IRGM: variants seen among roughly 807,000 people sequenced by gnomAD.
IRGM encodes immunity related GTPase M, also known as immunity-related GTPase family M protein.
For missense variants in IRGM, 288 were observed against 219.9 expected (o/e 1.31, Z -1.96); for synonymous variants, 98 against 80.6 (o/e 1.22, Z -1.16).
intron 1 of IRGM, among the ~76,000 whole-genome samples, chr5:150,863,405 G>A (rs904227918): frequency 1.3e-5 from 2 of 152,144 alleles, no homozygotes; most frequent in African/African-American, 4.8e-5. Context: ...TGTTCTATTC[G>A]AGGCTGATGA....
rs1754110541 is a variant in IRGM at position 150,859,809 on chromosome 5, C to T, written c.158+11155C>T. Among the ~76,000 whole-genome samples, 3 of 151,892 alleles carry T rather than the reference C, an allele frequency of 2.0e-5. No individual in the cohort carries two copies. In the South Asian group the frequency reaches 6.2e-4, roughly 32 times the overall value. The stretch of plus-strand genomic sequence containing the variant: ...CATTTTTTATTGCATCTATTTGATT[C>T]TTCTCTCTTTTCTTCTTTATTAGTC... On this transcript the variant is annotated intron_variant and NMD_transcript_variant, in intron 1 of 3. Transcript: ENST00000520549.
chr5:150,880,276 A>G (rs1050708369), intron 3 of IRGM, among the ~76,000 whole-genome samples: 1 of 152,272 alleles, frequency 6.6e-6, no homozygotes, highest in Non-Finnish European at 1.5e-5. Context: ...ATGTGTAGCA[A>G]GTGTCCTGTT....
At chr5:150,894,949 T>C (rs1754702760) in intron 3 of IRGM, 1 of 152,798 alleles carries the variant, frequency 6.5e-6, no homozygotes, top group African/African-American at 2.4e-5. Context: ...TATCATTCCA[T>C]TTTTTGTACA....
intron 1 of IRGM, among the ~76,000 whole-genome samples, chr5:150,862,402 G>C (rs189116676): frequency 4.3e-4 from 66 of 152,314 alleles, no homozygotes; most frequent in Admixed American, 7.8e-4. Context: ...AATATCAAAG[G>C]AGGGAATAAT....
intron 3 of IRGM, chr5:150,897,194 T>A: frequency 2.4e-6 from 1 of 412,412 alleles, no homozygotes. Context: ...TTAAAAGAGA[T>A]GAAAAAGTGG....
At chr5:150,886,012 T>G (rs1754516681) in intron 3 of IRGM, among the ~76,000 whole-genome samples, 1 of 152,152 alleles carries the variant, frequency 6.6e-6, no homozygotes, top group Admixed American at 6.6e-5. Flanking sequence ...TCTCCAGCTT[T>G]TGCCCATGCA....
intron 1 of IRGM, among the ~76,000 whole-genome samples, chr5:150,875,167 T>C (rs28826618): frequency 0.032 from 4,846 of 152,276 alleles, 246 homozygotes; most frequent in African/African-American, 0.11. Context: ...TTCTTTATGA[T>C]CAGTTGACAG....
intron 2 of IRGM, among the ~76,000 whole-genome samples, chr5:150,879,309 C>T (rs1028687043): frequency 6.6e-6 from 1 of 152,154 alleles, no homozygotes; most frequent in Non-Finnish European, 1.5e-5. Flanking sequence ...GTCTGTATTA[C>T]ATAAATGTGC....
intron 3 of IRGM, among the ~76,000 whole-genome samples, chr5:150,892,078 A>G (rs1754617907): frequency 6.6e-6 from 1 of 152,148 alleles, no homozygotes; most frequent in Non-Finnish European, 1.5e-5. Flanking sequence ...AAGATCCAAC[A>G]TGATTATCAT....
At chr5:150,892,214 T>C (rs1438470534) in intron 3 of IRGM, among the ~76,000 whole-genome samples, 1 of 152,064 alleles carries the variant, frequency 6.6e-6, no homozygotes, top group Non-Finnish European at 1.5e-5. Context: ...ATGGAGTTTT[T>C]TTTTTTCAAT....
At chr5:150,896,116 G>A (rs756673248) in intron 3 of IRGM, 2 of 1,613,348 alleles carry the variant, frequency 1.2e-6, no homozygotes, top group East Asian at 2.2e-5. Flanking sequence ...TCCCCAGTAT[G>A]TATTCTCTGA....
intron 3 of IRGM, chr5:150,896,033 A>C: frequency 1.9e-6 from 3 of 1,613,272 alleles, no homozygotes; most frequent in Non-Finnish European, 2.5e-6. Context: ...CTCCAGTATG[A>C]GCTCTGTGGT....
chr5:150,896,101 G>A, intron 3 of IRGM: 1 of 1,613,452 alleles, frequency 6.2e-7, no homozygotes, highest in East Asian at 2.2e-5. Flanking sequence ...CATTCATAGG[G>A]TTTTTCCCCA....
intron 3 of IRGM, among the ~76,000 whole-genome samples, chr5:150,879,991 A>T (rs1754421271): frequency 2.0e-5 from 3 of 152,182 alleles, no homozygotes; most frequent in Admixed American, 1.3e-4. Context: ...AGGGATCAGC[A>T]GGCTCTAGTC....
chr5:150,869,319 G>C (rs962282169), intron 1 of IRGM, among the ~76,000 whole-genome samples: 2 of 152,000 alleles, frequency 1.3e-5, no homozygotes, highest in Non-Finnish European at 2.9e-5. Flanking sequence ...CTGTGTCCCT[G>C]GTATGAAACC....
chr5:150,847,952 C>T lies in IRGM; in HGVS notation c.-172C>T. The T allele has an allele frequency of 3.4e-6, 2 of 588,578 alleles. No homozygotes were observed. The highest frequency in any genetic ancestry group is 4.1e-5 in the South Asian group (2 of 48,546). The allele number at this position is 588,578 out of a possible 1,614,324, so 36.5% of individuals were successfully genotyped here. A position where few individuals can be genotyped will look rare whatever the true frequency, so the allele number is the denominator to read the frequency against. ...TGTATTAGCTGGGACTACAGGCGCA[C>T]ACCACCACGCGCAGCTAATTTTTTT... On this transcript the variant is annotated 5_prime_UTR_variant, in exon 2 of 2. Coordinates refer to ENST00000522154, the MANE Select transcript of IRGM (RefSeq NM_001145805.2).
intron 1 of IRGM, among the ~76,000 whole-genome samples, chr5:150,854,047 C>T (rs1471024929): frequency 1.3e-5 from 2 of 151,906 alleles, no homozygotes; most frequent in African/African-American, 4.8e-5. Context: ...TATAGTGACA[C>T]ATTTTGATTA....
At position 150,887,487 on chromosome 5, in the gene IRGM, G is replaced by A. The variant is rs76621589; in HGVS notation, c.*140+7841G>A. On this transcript the variant is annotated intron_variant and NMD_transcript_variant, in intron 3 of 3. Coordinates refer to the IRGM transcript ENST00000520549. ...GAATCATTGGCATTCTTCAAAGGGA[G>A]GAAGCAAACAACTTGGAAAATGTAT... 1.8e-4 allele frequency among the ~76,000 whole-genome samples: 28 copies of A among 151,916 alleles called. No individual in the cohort carries two copies. The East Asian group carries it at 5.2e-3, about 28-fold the overall frequency.
At chr5:150,857,297 T>A (rs1244705798) in intron 1 of IRGM, among the ~76,000 whole-genome samples, 2 of 152,196 alleles carry the variant, frequency 1.3e-5, no homozygotes, top group Non-Finnish European at 2.9e-5. Flanking sequence ...TTCCATGTTG[T>A]ATATGTGCCA....
Sources: allele counts gnomAD v4.1 joint callset (sites outside exome capture counted in the v4.1 genomes callset), GRCh38; gene constraint gnomAD v4.1.1; transcripts MANE v1.5; gene names NCBI Gene and HGNC (gene_info 2026-07-23, HGNC 2026-07-21).